SCAMP4: variants seen among roughly 807,000 people sequenced by gnomAD.
SCAMP4 encodes the protein secretory carrier-associated membrane protein 4.
In SCAMP4, 19 loss-of-function variants were observed where a neutral mutation model predicts 32.1. That is an observed-to-expected ratio of 0.59 (90% confidence interval 0.41 to 0.87). The LOEUF is 0.87. SCAMP4 is among the 40% of genes least tolerant of loss of function. The pLI is 0.00. For synonymous variants in SCAMP4, 152 were observed against 132.7 expected, an observed-to-expected ratio of 1.15 and a Z score of -1.00; for missense variants, 302 against 309.0, an observed-to-expected ratio of 0.98 and a Z score of 0.17.
intron 1 of SCAMP4, chr19:1,906,866 T>TGGTTGTGTGTGTG (rs1555836653): frequency 7.7e-6 from 1 of 130,084 alleles, no homozygotes; most frequent in South Asian, 2.4e-4. Flanking sequence ...AAAAAAAAAA[T>TGGTTGTGTGTGTG]TGTGTGTGTG....
intron 5 of SCAMP4, chr19:1,921,469 G>A (rs1050000011): frequency 1.9e-5 from 19 of 985,274 alleles, no homozygotes; most frequent in Middle Eastern, 5.2e-4. Flanking sequence ...GGTGGGCCCC[G>A]CCAGGAATCG....
At chr19:1,923,711 G>C (rs920750026) in intron 6 of SCAMP4, among the ~76,000 whole-genome samples, 6 of 141,810 alleles carry the variant, frequency 4.2e-5, no homozygotes, top group South Asian at 4.4e-4. Flanking sequence ...CTCCGCCTCT[G>C]GGGTTCATGC....
chr19:1,913,408 G>A (rs2013607692), intron 1 of SCAMP4: 2 of 591,092 alleles, frequency 3.4e-6, no homozygotes, highest in Admixed American at 6.6e-5. Flanking sequence ...TCGCGGGCCG[G>A]GAAACTGCTC....
intron 1 of SCAMP4, chr19:1,913,508 G>A (rs2145441615): frequency 6.6e-6 from 2 of 305,312 alleles, no homozygotes; most frequent in East Asian, 8.0e-5. Flanking sequence ...GGTGGGGTCT[G>A]TACAGGGCCT....
chr19:1,906,866 T>TTGTGTGTGTGTGCGTG (rs2013147429), intron 1 of SCAMP4: 1 of 130,084 alleles, frequency 7.7e-6, no homozygotes, highest in African/African-American at 3.0e-5. Flanking sequence ...AAAAAAAAAA[T>TTGTGTGTGTGTGCGTG]TGTGTGTGTG....
intron 1 of SCAMP4, chr19:1,913,081 T>C: frequency 6.2e-7 from 1 of 1,601,336 alleles, no homozygotes; most frequent in Non-Finnish European, 8.5e-7. Flanking sequence ...CGGCCCGACC[T>C]CAACCACCGC....
At chr19:1,921,740 G>A (rs968293775) in intron 5 of SCAMP4, 1 of 983,648 alleles carries the variant, frequency 1.0e-6, no homozygotes, top group African/African-American at 1.7e-5. Context: ...CGCTTTGGGA[G>A]GCCAAAGCAG....
Position 1,924,639 on chromosome 19 carries a change from G to A in SCAMP4, c.*355G>A, listed in dbSNP as rs888784926. Reference sequence around the variant, plus strand: ...GGGGACAGGTGGCAGCAGGTCGGCCGCCCTCCCGTCCTCCCAGAGCTGCTG... The same window carrying A: ...GGGGACAGGTGGCAGCAGGTCGGCCACCCTCCCGTCCTCCCAGAGCTGCTG... On this transcript the variant is annotated 3_prime_UTR_variant, in exon 7 of 7. Transcript: ENST00000316097. 8.2e-5 allele frequency: 24 copies of A among 293,654 alleles called. No homozygotes were observed. Among genetic ancestry groups the A allele is most frequent in the African/African-American group, 2.5e-4 (12 of 47,132 alleles). 18.2% of individuals were successfully genotyped at this position (293,654 alleles called of 1,614,324 possible).
At chr19:1,912,492 C>T in intron 1 of SCAMP4, 2 of 1,498,626 alleles carry the variant, frequency 1.3e-6, no homozygotes, top group Non-Finnish European at 1.8e-6. Context: ...CGCCCGGCCG[C>T]CTCTGACCAG....
At position 1,923,080 on chromosome 19, in the gene SCAMP4, T is replaced by C; in HGVS notation, c.406T>C (p.Ser136Pro). 3.9e-6 allele frequency: 6 copies of C among 1,549,678 alleles called. No homozygotes were observed. The highest frequency in any genetic ancestry group is 5.2e-6 in the Non-Finnish European group (6 of 1,146,082). Reference sequence around the variant, plus strand: ...TCTTGTCCCTTGCAGCGGCTGGCTGTCGGCAATTGGATTCTTCCAGTACAG... The same window carrying C: ...TCTTGTCCCTTGCAGCGGCTGGCTGCCGGCAATTGGATTCTTCCAGTACAG... Reference protein sequence around the residue: ...FSGWGACGWLSAIGFFQYSPG... With the variant: ...FSGWGACGWLPAIGFFQYSPG... The change falls in exon 6 of 7, where the codon TCG becomes CCG. Residue 136 changes from serine to proline, a missense_variant. Coordinates refer to ENST00000316097, the MANE Select transcript of SCAMP4 (RefSeq NM_079834.4).
intron 1 of SCAMP4, among the ~76,000 whole-genome samples, chr19:1,911,469 A>G (rs532100753): frequency 6.6e-6 from 1 of 152,276 alleles, no homozygotes; most frequent in South Asian, 2.1e-4. Flanking sequence ...GCTGGTACCT[A>G]GCCATGAATT....
intron 1 of SCAMP4, chr19:1,912,647 C>T: frequency 1.4e-6 from 2 of 1,424,580 alleles, no homozygotes; most frequent in Non-Finnish European, 1.8e-6. Context: ...TGTGGGCGGC[C>T]CGGCGGGCAG....
intron 1 of SCAMP4, among the ~76,000 whole-genome samples, chr19:1,911,423 C>T (rs1357926057): frequency 2.6e-5 from 4 of 152,148 alleles, no homozygotes; most frequent in Admixed American, 6.6e-5. Context: ...CCCCCCACCT[C>T]GGCCTCCCAT....
In SCAMP4 at chr19:1,922,889, C is replaced by A. The variant is rs113855357; in HGVS notation, c.396-181C>A. ...GTGGAGGGATAAGGTCGTATTCACG[C>A]GTTGAAGTTGGTGCCTCTCAGTATC... On this transcript the variant is annotated intron_variant, in intron 5 of 6. Transcript: ENST00000316097. 25 of 1,335,950 alleles carry A rather than the reference C, an allele frequency of 1.9e-5. No homozygotes were observed. In the East Asian group the frequency reaches 6.9e-4, roughly 37 times the overall value. 82.8% of individuals were successfully genotyped at this position (1,335,950 alleles called of 1,614,324 possible).
intron 2 of SCAMP4, 108 bp downstream of exon 2, chr19:1,915,134 G>A: frequency 1.5e-6 from 2 of 1,330,332 alleles, no homozygotes; most frequent in Non-Finnish European, 1.1e-6. Context: ...TGTCCTCCTG[G>A]CCCACCTGGC....
chr19:1,924,508 C>T lies in SCAMP4; in HGVS notation c.*224C>T. 1.7e-6 allele frequency: 1 copy of T among 572,662 alleles called. No homozygotes were observed. The highest frequency in any genetic ancestry group is 2.0e-5 in the South Asian group (1 of 48,872). 35.5% of individuals were successfully genotyped at this position (572,662 alleles called of 1,614,324 possible). A position where few individuals can be genotyped will look rare whatever the true frequency, so the allele number is the denominator to read the frequency against. On this transcript the variant is annotated 3_prime_UTR_variant, in exon 7 of 7. Transcript: ENST00000316097. ...CAAGCACTCCCCAGCAGCCCTTGGC[C>T]TCTGCCGTCCACAGGACGCCCTCTT...
At chr19:1,909,440 C>A (rs1471580105) in intron 1 of SCAMP4, among the ~76,000 whole-genome samples, 1 of 152,100 alleles carries the variant, frequency 6.6e-6, no homozygotes, top group Non-Finnish European at 1.5e-5. Context: ...GCCCTACTGC[C>A]TCATGTCCAC....
At chr19:1,923,232 T>G (rs1231358549) in intron 6 of SCAMP4, 45 bp downstream of exon 6, 1 of 1,482,618 alleles carries the variant, frequency 6.7e-7, no homozygotes, top group East Asian at 2.6e-5. Context: ...CCCTTCTCCA[T>G]GAACCTCGTC....
chr19:1,918,761 C>CAAA, intron 4 of SCAMP4, 128 bp from the exon 5 acceptor site: 17 of 1,132,888 alleles, frequency 1.5e-5, no homozygotes, highest in Admixed American at 9.6e-5. Flanking sequence ...GACTCCATCT[C>CAAA]AAAAAAAAAA....
Sources: allele counts gnomAD v4.1 joint callset (sites outside exome capture counted in the v4.1 genomes callset), GRCh38; gene constraint gnomAD v4.1.1; transcripts MANE v1.5; gene names NCBI Gene and HGNC (gene_info 2026-07-23, HGNC 2026-07-21).